The following SP140 variants were observed in gnomAD, a reference collection of about 807,000 sequenced individuals.
SP140 encodes the protein SP140 nuclear body protein.
SP140 carries 81 observed loss-of-function variants against 125.0 expected under a neutral mutation model. That is an observed-to-expected ratio of 0.65 (90% CI 0.54 to 0.78). SP140 has a LOEUF of 0.78. Among genes scored for constraint, SP140 ranks in the 30% least tolerant of loss-of-function variants. The pLI is 0.00. For synonymous variants in SP140, 312 were observed against 354.0 expected, an observed-to-expected ratio of 0.88 and a Z score of 1.33; for missense variants, 858 against 1,037.0, an observed-to-expected ratio of 0.83 and a Z score of 2.37.
At position 230,212,493 on chromosome 2, in the gene SP140, G is replaced by A; in HGVS notation, c.-322-1161G>A. 4.5e-6 allele frequency: 6 copies of A among 1,323,288 alleles called. No homozygotes were observed. In the South Asian group the frequency reaches 5.9e-5, roughly 13 times the overall value. The allele number at this position is 1,323,288 out of a possible 1,614,324, so 82.0% of individuals were successfully genotyped here. A position where few individuals can be genotyped will look rare whatever the true frequency, so the allele number is the denominator to read the frequency against. ...CTGGATGTCAGGGAGAAGAGTGAAT[G>A]TTAAAAGTGCCTGGGGCAGATAGAG... On this transcript the variant is annotated intron_variant, in intron 1 of 4. Transcript: ENST00000456542.
upstream of SP140, among the ~76,000 whole-genome samples, chr2:230,201,447 C>G (rs1167775647): frequency 6.6e-6 from 1 of 152,144 alleles, no homozygotes; most frequent in Admixed American, 6.5e-5. Flanking sequence ...CAGCAGGAAT[C>G]ACTGCATCCT....
At chr2:230,298,477 A>T (rs981473429) in intron 22 of SP140, among the ~76,000 whole-genome samples, 41 of 152,172 alleles carry the variant, frequency 2.7e-4, no homozygotes, top group Admixed American at 1.2e-3. Flanking sequence ...GGGACTTTTC[A>T]ATAATTAAAA....
At chr2:230,248,856 TG>T (rs1339337088) in intron 8 of SP140, 28 bp from the exon 9 acceptor site, 2 of 1,572,798 alleles carry the variant, frequency 1.3e-6, no homozygotes, top group African/African-American at 2.7e-5. Flanking sequence ...TCACCCTCTG[TG>T]GTCTGTCAAT....
intron 19 of SP140, 57 bp downstream of exon 19, chr2:230,290,621 T>C (rs2057007821): frequency 2.2e-6 from 3 of 1,375,634 alleles, no homozygotes; most frequent in African/African-American, 1.5e-5. Flanking sequence ...TCACAAGTAG[T>C]GGGGAATTAT....
chr2:230,248,799 A>T, intron 8 of SP140, 86 bp from the exon 9 acceptor site: 1 of 1,060,548 alleles, frequency 9.4e-7, no homozygotes, highest in Non-Finnish European at 1.5e-6. Context: ...GGCTCTCAGC[A>T]TTTGCCCATC....
intron 15 of SP140, among the ~76,000 whole-genome samples, chr2:230,281,615 T>C (rs1343250446): frequency 6.6e-6 from 1 of 152,218 alleles, no homozygotes; most frequent in East Asian, 1.9e-4. Context: ...TTTTTAACTA[T>C]GATAATTTGG....
At chr2:230,292,511 G>C (rs774244183) in intron 19 of SP140, 135 bp from the exon 20 acceptor site, 1 of 1,197,372 alleles carries the variant, frequency 8.4e-7, no homozygotes, top group Non-Finnish European at 1.2e-6. Flanking sequence ...TCTGTAGTCT[G>C]AGAGGGAAGG....
intron 1 of SP140, among the ~76,000 whole-genome samples, chr2:230,210,802 G>A (rs1574743110): frequency 6.6e-6 from 1 of 152,130 alleles, no homozygotes; most frequent in Non-Finnish European, 1.5e-5. Context: ...GACTGAGGCA[G>A]GTGGCAAGCA....
chr2:230,221,011 G>C (rs893132289), upstream of SP140, among the ~76,000 whole-genome samples: 3 of 151,756 alleles, frequency 2.0e-5, no homozygotes, highest in Admixed American at 2.0e-4. Flanking sequence ...GGCCAGGCTC[G>C]GTGGCTCACG....
intron 15 of SP140, among the ~76,000 whole-genome samples, chr2:230,276,135 C>G (rs1163343254): frequency 6.6e-6 from 1 of 152,184 alleles, no homozygotes; most frequent in Non-Finnish European, 1.5e-5. Context: ...ATGAAGATGG[C>G]TACACTAAAC....
intron 9 of SP140, among the ~76,000 whole-genome samples, chr2:230,249,599 A>C (rs2050044903): frequency 6.6e-6 from 1 of 152,202 alleles, no homozygotes; most frequent in Admixed American, 6.5e-5. Context: ...AGACACATAG[A>C]AAGGTGATAA....
At position 230,212,946 on chromosome 2, in the gene SP140, A is replaced by G. The variant is rs2044658404; in HGVS notation, c.-322-708A>G. The G allele has an allele frequency of 1.2e-6, 2 of 1,613,810 alleles. No individual in the cohort carries two copies. ...TGGGGGCAGCGCCAGTGGGGTATGG[A>G]GGGAGCTTCCTTCTGCTAGGCCAGT... is the stretch of plus-strand genomic sequence containing the variant. On this transcript the variant is annotated intron_variant, in intron 1 of 4. Coordinates refer to the SP140 transcript ENST00000456542.
At chr2:230,221,032 C>T (rs1220274562), upstream of SP140, among the ~76,000 whole-genome samples, 1 of 151,608 alleles carries the variant, frequency 6.6e-6, no homozygotes, top group East Asian at 1.9e-4. Context: ...CCTGTAATCC[C>T]AGCACTTTGG....
chr2:230,202,567 C>T, upstream of SP140: 7 of 1,613,478 alleles, frequency 4.3e-6, no homozygotes, highest in Non-Finnish European at 5.9e-6. Flanking sequence ...CAGATTCCAT[C>T]ATCAGCCTTA....
At chr2:230,229,657 C>T (rs1013002307) in intron 1 of SP140, among the ~76,000 whole-genome samples, 12 of 151,250 alleles carry the variant, frequency 7.9e-5, no homozygotes, top group South Asian at 2.1e-4. Flanking sequence ...TTAGTAGAGA[C>T]GGGATTTCAC....
Position 230,238,227 on chromosome 2 carries a change from TTTTAGAAACC to T in SP140, c.254_263del (p.Phe85TrpfsTer4), listed in dbSNP as rs1336465054. 6.3e-7 allele frequency: 1 copy of T among 1,592,002 alleles called. No individual in the cohort carries two copies. The highest frequency in any genetic ancestry group is 1.9e-5 in the Admixed American group (1 of 53,400). ...ATATTTTTAAGCATTTTCAAGAAGCTTTTAGAAACCTGGTCCCAGTGACAAGAGTGATGTA... is the reference window on the plus strand; with the variant it reads ...ATATTTTTAAGCATTTTCAAGAAGCTTGGTCCCAGTGACAAGAGTGATGTA... On this transcript the variant is annotated frameshift_variant, in exon 3 of 27. Coordinates refer to ENST00000392045, the MANE Select transcript of SP140 (RefSeq NM_007237.5). LOFTEE classifies it high-confidence loss of function.
rs1159158079 is a variant in SP140, at chr2:230,312,928, C to T, written c.*244C>T. 6 of 387,492 alleles carry T rather than the reference C, an allele frequency of 1.5e-5. No homozygotes were observed. The highest frequency in any genetic ancestry group is 6.4e-5 in the African/African-American group (3 of 47,046). 24.0% of individuals were successfully genotyped at this position (387,492 alleles called of 1,614,324 possible). On this transcript the variant is annotated 3_prime_UTR_variant, in exon 27 of 27. Transcript: ENST00000392045. ...GGATCACAGGGAAGGATGTTGGCAG[C>T]GACACCATCCCATACAGGCTCTTAC... is the stretch of plus-strand genomic sequence containing the variant.
At chr2:230,206,579 T>TA (rs2043831859) in intron 1 of SP140, among the ~76,000 whole-genome samples, 1 of 129,218 alleles carries the variant, frequency 7.7e-6, no homozygotes, top group Non-Finnish European at 1.6e-5. Context: ...ATATTATATA[T>TA]TATCTGGTCC....
chr2:230,267,029 C>G lies in SP140; in HGVS notation c.1241-2503C>G, dbSNP rs189044317. On this transcript the variant is annotated intron_variant, in intron 12 of 26. Transcript: ENST00000392045. ...AGGGAAAGAAATATTTGGGGGCCAT[C>G]TTAGAATTCTGCCTATCGTCAAGGA... Among the ~76,000 whole-genome samples, 665 of 152,350 alleles carry G rather than the reference C, an allele frequency of 4.4e-3. 3 individuals are homozygous for G. The highest frequency in any genetic ancestry group is 6.3e-3 in the Non-Finnish European group (432 of 68,034).
Sources: gnomAD v4.1 joint callset for allele counts (sites outside exome capture counted in the v4.1 genomes callset) on GRCh38, gnomAD v4.1.1 for gene constraint, MANE v1.5 for transcripts, NCBI Gene and HGNC (gene_info 2026-07-23, HGNC 2026-07-21) for gene names.